LRRK2: variants seen among roughly 807,000 people sequenced by gnomAD.
LRRK2 encodes the protein leucine-rich repeat serine/threonine-protein kinase 2.
Under a neutral mutation model 302.6 loss-of-function variants are expected in LRRK2, and 203 were observed. The observed-to-expected ratio is 0.67, with a 90% CI of 0.60 to 0.75. The LOEUF (loss-of-function observed/expected upper bound fraction) is 0.75. Among genes scored for constraint, LRRK2 ranks in the 30% least tolerant of loss-of-function variants. The pLI is 0.00. For synonymous variants in LRRK2, 1,066 were observed against 1,031.9 expected, an observed-to-expected ratio of 1.03 and a Z score of -0.63; for missense variants, 2,830 against 2,951.0, an observed-to-expected ratio of 0.96 and a Z score of 0.95.
In LRRK2 at chr12:40,369,020, T is replaced by C. The variant is rs1946959990; in HGVS notation, c.*1255T>C. On this transcript the variant is annotated 3_prime_UTR_variant, in exon 51 of 51. Transcript: ENST00000298910. ...GTACATTTAATATTCTCAGAACTTATGGCATTTTACTATGTGAAAACTTTA... is the reference window on the plus strand; with the variant it reads ...GTACATTTAATATTCTCAGAACTTACGGCATTTTACTATGTGAAAACTTTA... The C allele has an allele frequency of 6.6e-6, 1 of 151,884 alleles. No homozygotes were observed. Among genetic ancestry groups the C allele is most frequent in the African/African-American group, 2.4e-5 (1 of 41,398 alleles). The allele number at this position is 151,884 out of a possible 1,614,324, so 9.4% of individuals were successfully genotyped here.
chr12:40,266,936 A>G (rs111341533), intron 14 of LRRK2, among the ~76,000 whole-genome samples: 22,196 of 143,752 alleles, frequency 0.15, 2,009 homozygotes, highest in African/African-American at 0.23. Flanking sequence ...GAATTGAACA[A>G]TGAGAACACA....
intron 7 of LRRK2, among the ~76,000 whole-genome samples, chr12:40,246,548 G>A (rs1941994119): frequency 6.6e-6 from 1 of 152,038 alleles, no homozygotes; most frequent in Non-Finnish European, 1.5e-5. Flanking sequence ...AAGTTCTGGG[G>A]AGTCTAAACC....
intron 48 of LRRK2, 44 bp from the exon 49 acceptor site, chr12:40,364,798 C>T: frequency 2.1e-6 from 3 of 1,403,774 alleles, no homozygotes; most frequent in Non-Finnish European, 3.0e-6. Flanking sequence ...GCATTTATCT[C>T]TTAATTGGTG....
intron 20 of LRRK2, 91 bp from the exon 21 acceptor site, chr12:40,293,454 A>G (rs1029948593): frequency 7.5e-6 from 6 of 795,682 alleles, no homozygotes; most frequent in African/African-American, 1.7e-5. Context: ...AATAGGTCTA[A>G]TCTTCCATGA....
chr12:40,297,661 G>A (rs1944433353), intron 23 of LRRK2, among the ~76,000 whole-genome samples: 1 of 151,960 alleles, frequency 6.6e-6, no homozygotes, highest in Non-Finnish European at 1.5e-5. Flanking sequence ...AGAGTATTAC[G>A]TACCTAAGTT....
intron 4 of LRRK2, 107 bp from the exon 5 acceptor site, chr12:40,237,862 C>A: frequency 8.1e-7 from 1 of 1,230,700 alleles, no homozygotes. Context: ...AACCATGGGT[C>A]TACAAACCAT....
rs570339281 is a variant in LRRK2 at position 40,237,799 on chromosome 12, A to G, written c.437-170A>G. 3.3e-5 allele frequency among the ~76,000 whole-genome samples: 5 copies of G among 149,640 alleles called. No individual in the cohort carries two copies. In the South Asian group the frequency reaches 8.7e-4, roughly 26 times the overall value. On this transcript the variant is annotated intron_variant, in intron 4 of 50. Coordinates refer to ENST00000298910, the MANE Select transcript of LRRK2 (RefSeq NM_198578.4). The stretch of plus-strand genomic sequence containing the variant: ...AGATCTAGAGCTTGATAAGTCTAAC[A>G]TCTAGGGCAGTTAAGTAGTTTATCA...
chr12:40,273,418 A>T (rs73108345), intron 14 of LRRK2, among the ~76,000 whole-genome samples: 1,818 of 152,326 alleles, frequency 0.012, 50 homozygotes, highest in African/African-American at 0.039. Flanking sequence ...AAGTAGAAGG[A>T]CACAGGGTGA....
At chr12:40,270,086 T>C (rs958866504) in intron 14 of LRRK2, among the ~76,000 whole-genome samples, 3 of 152,146 alleles carry the variant, frequency 2.0e-5, no homozygotes, top group Non-Finnish European at 4.4e-5. Context: ...AGTTGTTGAA[T>C]ATTTTATAAG....
intron 45 of LRRK2, among the ~76,000 whole-genome samples, chr12:40,355,615 T>C (rs1946510752): frequency 6.7e-6 from 1 of 150,348 alleles, no homozygotes. Flanking sequence ...TGATCTTGGC[T>C]CACTGCAACT....
chr12:40,355,218 A>C (rs1946489843), intron 45 of LRRK2, among the ~76,000 whole-genome samples: 1 of 152,218 alleles, frequency 6.6e-6, no homozygotes, highest in Non-Finnish European at 1.5e-5. Context: ...AAATTATTTG[A>C]ATATGGTCAA....
Position 40,315,243 on chromosome 12 carries a change from G to A in LRRK2, c.4770G>A (p.Leu1590=). 1.9e-6 allele frequency: 3 copies of A among 1,612,622 alleles called. No individual in the cohort carries two copies. Among genetic ancestry groups the A allele is most frequent in the Non-Finnish European group, 2.5e-6 (3 of 1,178,874 alleles). ...GVLLHFQDPA[L]QLSDLYFVEP... ...TTCTTCATTTTCAAGACCCAGCACT[G>A]CAGTTAAGTGACTTGTACTTTGTGG... The change falls in exon 33 of 51, where the codon CTG becomes CTA. Residue 1590 remains leucine (L), a synonymous_variant. Transcript: ENST00000298910.
intron 13 of LRRK2, among the ~76,000 whole-genome samples, chr12:40,263,142 T>G (rs1034441250): frequency 1.3e-5 from 2 of 152,202 alleles, no homozygotes; most frequent in Non-Finnish European, 1.5e-5. Context: ...TAATCTTAGG[T>G]TTGGAAAACA....
At chr12:40,257,650 T>C (rs1277544552) in intron 12 of LRRK2, among the ~76,000 whole-genome samples, 2 of 152,238 alleles carry the variant, frequency 1.3e-5, no homozygotes, top group Non-Finnish European at 2.9e-5. Flanking sequence ...GGTAATTGTA[T>C]AGCACATAGC....
intron 2 of LRRK2, among the ~76,000 whole-genome samples, chr12:40,228,499 T>C (rs1941020185): frequency 6.9e-6 from 1 of 144,774 alleles, no homozygotes; most frequent in Non-Finnish European, 1.5e-5. Flanking sequence ...TGGTTGTTAA[T>C]CTTTTGTTGA....
In LRRK2 at chr12:40,308,559, T is replaced by C. The variant is rs146958951; in HGVS notation, c.4052T>C (p.Leu1351Ser). Residue 1351 changes from leucine to serine, a missense_variant, in exon 29 of 51, where the codon TTG (leucine) becomes TCG (serine). Physicochemically the swap from Leu to Ser is moderately radical, Grantham distance 145 (BLOSUM62 -2). Transcript: ENST00000298910. ...ACTGGGAGTGGTAAAACCACCTTAT[T>C]GCAGCAATTAATGAAAACCAAGAAA... ...GNTGSGKTTL[L>S]QQLMKTKKSD... The C allele has an allele frequency of 6.2e-7, 1 of 1,614,062 alleles. No homozygotes were observed. The highest frequency in any genetic ancestry group is 8.5e-7 in the Non-Finnish European group (1 of 1,179,970).
intron 13 of LRRK2, among the ~76,000 whole-genome samples, chr12:40,259,966 C>T (rs531179669): frequency 6.6e-6 from 1 of 152,084 alleles, no homozygotes; most frequent in South Asian, 2.1e-4. Flanking sequence ...AATTTTCATA[C>T]CTGTTCTCTT....
rs772404108 is a variant in LRRK2, at chr12:40,351,566, T to C, written c.6409T>C (p.Leu2137=). Residue 2137 remains leucine (L), a synonymous_variant, in exon 44 of 51, where the codon TTA becomes CTA. Transcript: ENST00000298910. The stretch of plus-strand genomic sequence containing the variant: ...CTTTGACATTTTGAATTCAGCTGAA[T>C]TAGTCTGTCTGACGAGACGCATTTT... ...QVFDILNSAE[L]VCLTRRILLP... 6.2e-7 allele frequency: 1 copy of C among 1,614,208 alleles called. No individual in the cohort carries two copies. Among genetic ancestry groups the C allele is most frequent in the Non-Finnish European group, 8.5e-7 (1 of 1,180,040 alleles).
At chr12:40,367,557 C>T in intron 50 of LRRK2, 87 bp from the exon 51 acceptor site, 1 of 1,359,176 alleles carries the variant, frequency 7.4e-7, no homozygotes. Flanking sequence ...TCTAAGTCAA[C>T]TAAAAATACA....
Sources: gnomAD v4.1 joint callset for allele counts (sites outside exome capture counted in the v4.1 genomes callset) on GRCh38, gnomAD v4.1.1 for gene constraint, MANE v1.5 for transcripts, NCBI Gene and HGNC (gene_info 2026-07-23, HGNC 2026-07-21) for gene names.